CPB1: variants seen among roughly 807,000 people sequenced by gnomAD.
The protein encoded by CPB1 is carboxypeptidase B1, also known as carboxypeptidase B.
In CPB1, 53 loss-of-function variants were observed where a neutral mutation model predicts 51.4. That is an observed-to-expected ratio of 1.03 (90% CI 0.83 to 1.30). CPB1 has a LOEUF of 1.30. Ranked by LOEUF, CPB1 falls within the 50% of genes most tolerant of loss-of-function variation. The pLI is 0.00. For synonymous variants in CPB1, 189 were observed against 186.9 expected (o/e 1.01, Z -0.09); for missense variants, 494 against 516.2 (o/e 0.96, Z 0.42).
At chr3:148,850,694 G>A (rs1158541848) in intron 9 of CPB1, among the ~76,000 whole-genome samples, 1 of 152,188 alleles carries the variant, frequency 6.6e-6, no homozygotes, top group Non-Finnish European at 1.5e-5. Context: ...GTAAAAATCA[G>A]AGGGAAGAAA....
chr3:148,844,670 C>T lies in CPB1; in HGVS notation c.688-7C>T. On this transcript the variant is annotated splice_region_variant and splice_polypyrimidine_tract_variant and intron_variant, in intron 7 of 10. Coordinates refer to ENST00000282957, the MANE Select transcript of CPB1 (RefSeq NM_001871.3). Reference sequence around the variant, plus strand: ...ATATTTGTCCTAACTATGTAGTCCACTTTCAGAGCCGATTTTGGAGAAAGA... The same window carrying T: ...ATATTTGTCCTAACTATGTAGTCCATTTTCAGAGCCGATTTTGGAGAAAGA... 4 of 1,613,904 alleles carry T rather than the reference C, an allele frequency of 2.5e-6. No homozygotes were observed. Among genetic ancestry groups the T allele is most frequent in the Non-Finnish European group, 3.4e-6 (4 of 1,179,814 alleles).
chr3:148,843,878 G>A (rs1259835467), intron 6 of CPB1, among the ~76,000 whole-genome samples: 1 of 152,038 alleles, frequency 6.6e-6, no homozygotes, highest in East Asian at 1.9e-4. Flanking sequence ...GACAACAAAG[G>A]AAACTCCCAT....
In CPB1 at chr3:148,834,457, A is replaced by G. The variant is rs537102007; in HGVS notation, c.148-41A>G. On this transcript the variant is annotated intron_variant, in intron 2 of 10. Coordinates refer to ENST00000282957, the MANE Select transcript of CPB1 (RefSeq NM_001871.3). ...TGTGCTCGCAGATTATCCTTCATCC[A>G]TTGAATTATAGGTATCCAATATATC... 2.1e-5 allele frequency: 33 copies of G among 1,585,696 alleles called. No individual in the cohort carries two copies. In the African/African-American group the frequency reaches 3.9e-4, roughly 19 times the overall value.
chr3:148,843,849 A>T (rs895182315), intron 6 of CPB1, among the ~76,000 whole-genome samples: 8 of 152,176 alleles, frequency 5.3e-5, no homozygotes, highest in Non-Finnish European at 7.3e-5. Flanking sequence ...GGACAACAGG[A>T]TTGTCCCTTC....
intron 9 of CPB1, 27 bp downstream of exon 9, chr3:148,845,653 A>G (rs1179484699): frequency 6.5e-7 from 1 of 1,535,950 alleles, no homozygotes; most frequent in Non-Finnish European, 9.0e-7. Flanking sequence ...TAGGTATGAC[A>G]TTTTACTATT....
intron 6 of CPB1, among the ~76,000 whole-genome samples, chr3:148,842,391 TAAAAG>T (rs1389181094): frequency 1.3e-5 from 2 of 152,166 alleles, no homozygotes; most frequent in African/African-American, 2.4e-5. Context: ...CACTTCAGAT[TAAAAG>T]AAAAGAGTGC....
intron 6 of CPB1, among the ~76,000 whole-genome samples, chr3:148,842,229 A>C (rs564987984): frequency 3.3e-5 from 5 of 152,084 alleles, no homozygotes; most frequent in South Asian, 2.1e-4. Context: ...CTTTAAAAAA[A>C]AAAATTGTAT....
intron 2 of CPB1, among the ~76,000 whole-genome samples, chr3:148,830,911 AT>A (rs2108010168): frequency 6.6e-6 from 1 of 152,226 alleles, no homozygotes; most frequent in Non-Finnish European, 1.5e-5. Flanking sequence ...TTGAAATGAG[AT>A]TTTCATTCTC....
At chr3:148,846,781 ATG>A (rs1223556507) in intron 9 of CPB1, among the ~76,000 whole-genome samples, 4 of 58,358 alleles carry the variant, frequency 6.9e-5, no homozygotes, top group African/African-American at 2.4e-4. Context: ...ACACATATAT[ATG>A]TGTGTGTGCG....
At chr3:148,846,797 G>GTGTGTGTGTATGTA (rs1364486523) in intron 9 of CPB1, among the ~76,000 whole-genome samples, 2 of 50,558 alleles carry the variant, frequency 4.0e-5, no homozygotes, top group African/African-American at 1.1e-4. Flanking sequence ...GTGTGCGTGT[G>GTGTGTGTGTATGTA]TATATATATA....
At chr3:148,854,061 C>T (rs1713505343) in intron 9 of CPB1, 1 of 152,158 alleles carries the variant, frequency 6.6e-6, no homozygotes, top group Non-Finnish European at 1.5e-5. Flanking sequence ...CTTCTTGGTT[C>T]TTCCATCATC....
intron 10 of CPB1, among the ~76,000 whole-genome samples, chr3:148,859,591 T>C (rs73160780): frequency 6.6e-6 from 1 of 152,374 alleles, no homozygotes; most frequent in Non-Finnish European, 1.5e-5. Context: ...TTCTGAAGTA[T>C]TAAACACATC....
At chr3:148,852,032 A>G (rs1469578538) in intron 9 of CPB1, 1 of 152,214 alleles carries the variant, frequency 6.6e-6, no homozygotes, top group African/African-American at 2.4e-5. Flanking sequence ...TTCCTCTGAA[A>G]TTTAAATTTA....
chr3:148,840,646 C>A lies in CPB1; in HGVS notation c.273-40C>A, dbSNP rs756647656. The stretch of plus-strand genomic sequence containing the variant: ...TATGTGTGTTCACTGGAGAAAAATA[C>A]ACTTATGTTCATAGGAACACCCACT... On this transcript the variant is annotated intron_variant, in intron 3 of 10. Coordinates refer to ENST00000282957, the MANE Select transcript of CPB1 (RefSeq NM_001871.3). The A allele has an allele frequency of 5.1e-6, 8 of 1,567,120 alleles. 1 individual carries two copies. The highest frequency in any genetic ancestry group is 7.0e-6 in the Non-Finnish European group (8 of 1,137,188).
chr3:148,842,508 G>A (rs1713115246), intron 6 of CPB1, among the ~76,000 whole-genome samples: 1 of 152,172 alleles, frequency 6.6e-6, no homozygotes, highest in Admixed American at 6.5e-5. Flanking sequence ...AAATATGCAT[G>A]AGTCTATACT....
In CPB1 at chr3:148,844,665, G is replaced by A; in HGVS notation, c.688-12G>A. On this transcript the variant is annotated splice_polypyrimidine_tract_variant and intron_variant, in intron 7 of 10. Transcript: ENST00000282957. The stretch of plus-strand genomic sequence containing the variant: ...CTATTATATTTGTCCTAACTATGTA[G>A]TCCACTTTCAGAGCCGATTTTGGAG... 2 of 1,613,736 alleles carry A rather than the reference G, an allele frequency of 1.2e-6. No individual in the cohort carries two copies. Among genetic ancestry groups the A allele is most frequent in the South Asian group, 2.2e-5 (2 of 91,072 alleles).
chr3:148,837,479 A>AG (rs1206771408), intron 3 of CPB1, among the ~76,000 whole-genome samples: 1 of 130,848 alleles, frequency 7.6e-6, no homozygotes, highest in African/African-American at 2.9e-5. Context: ...CTTGTGTGTT[A>AG]GAAAAAAAAA....
chr3:148,857,497 T>G lies in CPB1; in HGVS notation c.1022T>G (p.Leu341Arg), dbSNP rs763502820. The G allele has an allele frequency of 2.5e-6, 4 of 1,614,046 alleles. No homozygotes were observed. In the South Asian group the frequency reaches 3.3e-5, roughly 13 times the overall value. ...AKATVKELAS[L>R]HGTKYTYGPG... ...GCTACTGTGAAAGAACTTGCCTCAC[T>G]GCACGGCACCAAGTACACATATGGC... The change falls in exon 10 of 11, where the codon CTG becomes CGG. Residue 341 changes from leucine (L) to arginine (R), a missense_variant. Leu to Arg is a moderately radical substitution (Grantham distance 102). Coordinates refer to ENST00000282957, the MANE Select transcript of CPB1 (RefSeq NM_001871.3).
At chr3:148,844,807 A>G (rs763153022) in intron 8 of CPB1, 40 bp downstream of exon 8, 1 of 1,556,554 alleles carries the variant, frequency 6.4e-7, no homozygotes, top group South Asian at 1.1e-5. Context: ...ATCCATTGAA[A>G]AACATAAGAG....
Sources: gnomAD v4.1 joint callset for allele counts (sites outside exome capture counted in the v4.1 genomes callset) on GRCh38, gnomAD v4.1.1 for gene constraint, MANE v1.5 for transcripts, NCBI Gene and HGNC (gene_info 2026-07-23, HGNC 2026-07-21) for gene names.